Variants in STOX2 observed in about 807,000 individuals in gnomAD.
The protein encoded by STOX2 is storkhead box 2, also known as storkhead-box protein 2.
Under a neutral mutation model 60.9 loss-of-function variants are expected in STOX2, and 28 were observed. The ratio of observed to expected loss-of-function variants is 0.46; its 90% CI spans 0.34 to 0.63. The LOEUF (loss-of-function observed/expected upper bound fraction) is 0.63, where lower values mean the gene tolerates loss of function less well. Ranked by LOEUF, STOX2 falls within the 30% of genes least tolerant of loss-of-function variation. The pLI is 0.01. For missense variants in STOX2, 1,024 were observed against 1,187.7 expected (o/e 0.86, Z 2.03); for synonymous variants, 472 against 463.9 (o/e 1.02, Z -0.22).
chr4:183,862,333 C>A (rs1227730012), intron 1 of STOX2, among the ~76,000 whole-genome samples: 1 of 152,062 alleles, frequency 6.6e-6, no homozygotes, highest in Non-Finnish European at 1.5e-5. Context: ...ATGCCATCAC[C>A]CCTAGCTAAT....
chr4:184,020,236 T>TTC lies in STOX2; in HGVS notation c.*2953_*2954dup, dbSNP rs1187036640. On this transcript the variant is annotated 3_prime_UTR_variant, in exon 4 of 4. Transcript: ENST00000308497. The stretch of plus-strand genomic sequence containing the variant: ...TGATTGCCTCTGTGGACTCATGACT[T>TTC]TCCATCGCCATGGCTTTCTCTTACG... 1 of 152,180 alleles carries TTC rather than the reference T, an allele frequency of 6.6e-6. No homozygotes were observed. The highest frequency in any genetic ancestry group is 1.5e-5 in the Non-Finnish European group (1 of 68,046). The allele number at this position is 152,180 out of a possible 1,614,324, so 9.4% of individuals were successfully genotyped here.
At chr4:183,886,596 G>A (rs979472112) in intron 1 of STOX2, among the ~76,000 whole-genome samples, 1 of 152,216 alleles carries the variant, frequency 6.6e-6, no homozygotes, top group African/African-American at 2.4e-5. Flanking sequence ...GCACCGTCCA[G>A]GTGCAGAATG....
chr4:183,874,952 A>AATATATATATATAT (rs759209967), intron 1 of STOX2, among the ~76,000 whole-genome samples: 1 of 44,614 alleles, frequency 2.2e-5, no homozygotes, highest in Non-Finnish European at 3.9e-5. Context: ...AAAAAAAAAA[A>AATATATATATATAT]ATATATATAT....
rs202047058 is a variant in STOX2 at position 184,011,179 on chromosome 4, G to A, written c.2341G>A (p.Asp781Asn). Reference protein sequence around the residue: ...FDYYNVSDDDDSEEGANKNTE... With the variant: ...FDYYNVSDDDNSEEGANKNTE... ...CTATTACAACGTCTCTGATGATGAC[G>A]ACTCTGAGGAAGGGGCAAACAAGAA... The change falls in exon 3 of 4, where the codon GAC becomes AAC. Residue 781 changes from aspartate (D) to asparagine (N), a missense_variant. Asp to Asn is a conservative substitution (Grantham distance 23). Coordinates refer to ENST00000308497, the MANE Select transcript of STOX2 (RefSeq NM_020225.3). The surrounding 1 kb of genome is among the most constrained non-coding windows in gnomAD (Gnocchi z 4.4). 3,286 of 1,590,754 alleles carry A rather than the reference G, an allele frequency of 2.1e-3. 3 individuals carry two copies. Among genetic ancestry groups the A allele is most frequent in the Non-Finnish European group, 2.6e-3 (3,101 of 1,170,262 alleles).
intron 3 of STOX2, among the ~76,000 whole-genome samples, chr4:184,016,809 G>T (rs992148103): frequency 1.3e-5 from 2 of 152,188 alleles, no homozygotes; most frequent in East Asian, 3.9e-4. Flanking sequence ...AAGTCGTTTC[G>T]TTGAGTGTGA....
intron 1 of STOX2, among the ~76,000 whole-genome samples, chr4:183,867,821 C>T (rs1405600151): frequency 6.6e-6 from 1 of 152,220 alleles, no homozygotes; most frequent in Non-Finnish European, 1.5e-5. Context: ...AGGTACCTCA[C>T]AGCCCCAAGG....
intron 1 of STOX2, among the ~76,000 whole-genome samples, chr4:183,892,349 G>T (rs1189324257): frequency 1.3e-5 from 2 of 152,160 alleles, no homozygotes; most frequent in Non-Finnish European, 2.9e-5. Context: ...CGCGATCTCG[G>T]CTCACTGCAA....
At position 183,982,722 on chromosome 4, in the gene STOX2, G is replaced by T. The variant is rs115170329; in HGVS notation, c.167-18603G>T. 5.4e-3 allele frequency among the ~76,000 whole-genome samples: 818 copies of T among 152,304 alleles called. 5 individuals carry two copies. The highest frequency in any genetic ancestry group is 0.019 in the African/African-American group (783 of 41,568). On this transcript the variant is annotated intron_variant, in intron 1 of 3. Transcript: ENST00000308497. ...TTGTGAAACTCATGCATTTCTGATA[G>T]CATTGCAGTATTTCATGTTGGAAAT...
rs1381023394 is a variant in STOX2 at position 184,021,834 on chromosome 4, G to A, written c.*4550G>A. The A allele has an allele frequency of 6.6e-6, 1 of 152,132 alleles. No homozygotes were observed. Among genetic ancestry groups the A allele is most frequent in the African/African-American group, 2.4e-5 (1 of 41,402 alleles). The allele number at this position is 152,132 out of a possible 1,614,324, so 9.4% of individuals were successfully genotyped here. A position where few individuals can be genotyped will look rare whatever the true frequency, so the allele number is the denominator to read the frequency against. ...AATTAGGAGATAGATGATCTTTGAT[G>A]GGGATCTCCTCCGTCACCACAGGCC... On this transcript the variant is annotated 3_prime_UTR_variant, in exon 4 of 4. Transcript: ENST00000308497.
At chr4:183,950,528 A>G (rs1369835192) in intron 1 of STOX2, among the ~76,000 whole-genome samples, 1 of 152,224 alleles carries the variant, frequency 6.6e-6, no homozygotes, top group Non-Finnish European at 1.5e-5. Context: ...CAGGAGAGAC[A>G]GGATGGAAAG....
At chr4:184,015,912 A>G (rs571806526) in intron 3 of STOX2, 7 of 152,310 alleles carry the variant, frequency 4.6e-5, no homozygotes, top group East Asian at 1.9e-4. Context: ...GTTCTTCTCA[A>G]TCTGGCCCAG....
chr4:183,939,781 C>A (rs1002380968), intron 1 of STOX2, among the ~76,000 whole-genome samples: 2 of 152,068 alleles, frequency 1.3e-5, no homozygotes, highest in Admixed American at 1.3e-4. Context: ...TTAACTTCTC[C>A]GCGTCCCAGT....
At chr4:183,901,697 A>G (rs538943748), upstream of STOX2, among the ~76,000 whole-genome samples, 11 of 151,304 alleles carry the variant, frequency 7.3e-5, no homozygotes, top group African/African-American at 2.7e-4. Context: ...GATACTGAGT[A>G]TCTTTTCATG....
chr4:183,921,153 T>G (rs1467643750), intron 1 of STOX2, among the ~76,000 whole-genome samples: 2 of 152,200 alleles, frequency 1.3e-5, no homozygotes, highest in African/African-American at 4.8e-5. Flanking sequence ...TCTATGAGGA[T>G]AGCAGTAGGC....
chr4:183,902,189 T>C (rs554108855), upstream of STOX2, among the ~76,000 whole-genome samples: 1 of 152,210 alleles, frequency 6.6e-6, no homozygotes, highest in Non-Finnish European at 1.5e-5. Flanking sequence ...CTCATCCTTA[T>C]GGAGTTTACA....
intron 1 of STOX2, among the ~76,000 whole-genome samples, chr4:183,961,011 C>A (rs1743396062): frequency 6.6e-6 from 1 of 152,130 alleles, no homozygotes; most frequent in Admixed American, 6.5e-5. Context: ...CAGCCCTACC[C>A]CTGGTTCTCT....
At chr4:183,820,228 C>G (rs907081740) in intron 1 of STOX2, among the ~76,000 whole-genome samples, 1 of 152,156 alleles carries the variant, frequency 6.6e-6, no homozygotes, top group Admixed American at 6.5e-5. Flanking sequence ...CCCAGCTAGA[C>G]TATTTTTATT....
intron 1 of STOX2, among the ~76,000 whole-genome samples, chr4:183,938,448 C>T (rs1742649730): frequency 6.6e-6 from 1 of 151,986 alleles, no homozygotes; most frequent in African/African-American, 2.4e-5. Context: ...GTGGGCGGAT[C>T]ACCTCAAGTC....
At position 183,821,773 on chromosome 4, in the gene STOX2, C is replaced by T. The variant is rs1739308265; in HGVS notation, c.364+23718C>T. ...GCTCCAGCAGCCTCCCCCTCCACAT[C>T]CCTGCGGAGCACCCATCCCTGTCCC... On this transcript the variant is annotated intron_variant, in intron 1 of 2. Coordinates refer to the STOX2 transcript ENST00000513034. The surrounding 1 kb of genome is among the most constrained non-coding windows in gnomAD (Gnocchi z 4.2). Among the ~76,000 whole-genome samples, 1 of 152,240 alleles carries T rather than the reference C, an allele frequency of 6.6e-6. No homozygotes were observed. Among genetic ancestry groups the T allele is most frequent in the African/African-American group, 2.4e-5 (1 of 41,474 alleles).
Sources: gnomAD v4.1 joint callset for allele counts (sites outside exome capture counted in the v4.1 genomes callset) on GRCh38, gnomAD v4.1.1 for gene constraint, Gnocchi (gnomAD v3.1) non-coding constraint, MANE v1.5 for transcripts, NCBI Gene and HGNC (gene_info 2026-07-23, HGNC 2026-07-21) for gene names.